Variants in TMOD2 observed in about 807,000 individuals in gnomAD.
TMOD2 encodes tropomodulin-2.
Under a neutral mutation model 39.9 loss-of-function variants are expected in TMOD2, and 22 were observed. The ratio of observed to expected loss-of-function variants is 0.55; its 90% confidence interval spans 0.39 to 0.79. The LOEUF (loss-of-function observed/expected upper bound fraction) is 0.79. Ranked by LOEUF, TMOD2 falls within the 30% of genes least tolerant of loss-of-function variation. The pLI is 0.00. For missense variants in TMOD2, 386 were observed against 413.3 expected, an observed-to-expected ratio of 0.93 and a Z score of 0.57; for synonymous variants, 123 against 146.1, an observed-to-expected ratio of 0.84 and a Z score of 1.14.
chr15:51,777,312 GA>G (rs1382047774), intron 5 of TMOD2, among the ~76,000 whole-genome samples: 3 of 152,016 alleles, frequency 2.0e-5, no homozygotes, highest in South Asian at 2.1e-4. Context: ...CCATATTCAT[GA>G]AAAAAAATTG....
intron 3 of TMOD2, among the ~76,000 whole-genome samples, chr15:51,771,221 A>G (rs2055851511): frequency 6.6e-6 from 1 of 152,220 alleles, no homozygotes; most frequent in South Asian, 2.1e-4. Context: ...CAAGTTTTCT[A>G]ATCAGAGCAG....
intron 7 of TMOD2, among the ~76,000 whole-genome samples, chr15:51,786,746 CA>C (rs2055972914): frequency 1.3e-5 from 2 of 152,118 alleles, no homozygotes; most frequent in South Asian, 4.1e-4. Context: ...CACTGAATGC[CA>C]ATGAGAGGGC....
intron 8 of TMOD2, among the ~76,000 whole-genome samples, chr15:51,804,446 C>G (rs2056108951): frequency 6.6e-6 from 1 of 152,140 alleles, no homozygotes; most frequent in South Asian, 2.1e-4. Flanking sequence ...TAGAACACTA[C>G]ATACTGCATG....
chr15:51,759,077 C>G (rs1330472185), intron 1 of TMOD2, among the ~76,000 whole-genome samples: 5 of 152,242 alleles, frequency 3.3e-5, no homozygotes, highest in African/African-American at 1.2e-4. Context: ...GCGAATGGAT[C>G]AGGAAGGGAT....
chr15:51,766,947 C>G (rs1327806236), intron 2 of TMOD2: 1 of 156,596 alleles, frequency 6.4e-6, no homozygotes. Flanking sequence ...AACCCCTAGA[C>G]ATGGAGAGGT....
intron 1 of TMOD2, among the ~76,000 whole-genome samples, chr15:51,764,517 T>C (rs1041479810): frequency 6.6e-6 from 1 of 152,182 alleles, no homozygotes; most frequent in African/African-American, 2.4e-5. Context: ...TTCTTATGAT[T>C]TGAACTCATA....
chr15:51,773,932 G>A, intron 4 of TMOD2, 98 bp downstream of exon 4: 2 of 1,357,532 alleles, frequency 1.5e-6, no homozygotes, highest in Non-Finnish European at 2.0e-6. Flanking sequence ...TCTTAGGTAG[G>A]AGAATGACAG....
intron 7 of TMOD2, among the ~76,000 whole-genome samples, chr15:51,785,309 G>A (rs1279949933): frequency 1.3e-5 from 2 of 150,440 alleles, no homozygotes; most frequent in Non-Finnish European, 2.9e-5. Context: ...CTACTCGGGA[G>A]ACTGAGGCAG....
At chr15:51,768,550 G>A (rs1255396907) in intron 3 of TMOD2, 132 bp downstream of exon 3, 1 of 956,596 alleles carries the variant, frequency 1.0e-6, no homozygotes, top group Non-Finnish European at 1.5e-6. Flanking sequence ...AACTGTCCCA[G>A]ACATGGGAAA....
intron 8 of TMOD2, among the ~76,000 whole-genome samples, chr15:51,804,196 G>A (rs570349360): frequency 5.4e-4 from 82 of 152,358 alleles, no homozygotes; most frequent in African/African-American, 1.9e-3. Flanking sequence ...AGAATGTGAT[G>A]TAACAGTAAG....
intron 5 of TMOD2, 46 bp downstream of exon 5, chr15:51,777,064 C>T: frequency 1.3e-6 from 2 of 1,550,720 alleles, no homozygotes; most frequent in African/African-American, 1.4e-5. Flanking sequence ...TTGGAGCCTC[C>T]AGAGTTGCTG....
chr15:51,770,022 C>A (rs2055842607), intron 3 of TMOD2, among the ~76,000 whole-genome samples: 1 of 152,124 alleles, frequency 6.6e-6, no homozygotes, highest in Non-Finnish European at 1.5e-5. Context: ...CAGAGTGGAA[C>A]CCTGTCTCAA....
rs1269501809 is a variant in TMOD2, at chr15:51,803,190, T to TG, written c.877-3187_877-3186insG. ...CTTCTTTTTTTTTTTTTTTTTTTTTTTCTTTTTGAGGTGGAGTTTCACTCC... is the reference window on the plus strand; with the variant it reads ...CTTCTTTTTTTTTTTTTTTTTTTTTTGTCTTTTTGAGGTGGAGTTTCACTCC... On this transcript the variant is annotated intron_variant, in intron 8 of 9. Transcript: ENST00000249700. 6.9e-3 allele frequency among the ~76,000 whole-genome samples: 1,021 copies of TG among 148,788 alleles called. 6 individuals carry two copies. The highest frequency in any genetic ancestry group is 0.024 in the African/African-American group (972 of 40,110).
At chr15:51,785,589 A>T (rs2055964021) in intron 7 of TMOD2, among the ~76,000 whole-genome samples, 1 of 152,018 alleles carries the variant, frequency 6.6e-6, no homozygotes, top group South Asian at 2.1e-4. Flanking sequence ...TAAATATAGC[A>T]TGTTCTCACT....
intron 1 of TMOD2, among the ~76,000 whole-genome samples, chr15:51,761,597 G>A (rs183128037): frequency 6.6e-6 from 1 of 151,926 alleles, no homozygotes; most frequent in Admixed American, 6.6e-5. Flanking sequence ...AGCTGGGCAT[G>A]GTGATACACA....
At chr15:51,804,204 A>G (rs1381272581) in intron 8 of TMOD2, among the ~76,000 whole-genome samples, 1 of 152,236 alleles carries the variant, frequency 6.6e-6, no homozygotes, top group Non-Finnish European at 1.5e-5. Context: ...ATGTAACAGT[A>G]AGTCACTAAG....
At chr15:51,801,464 T>G (rs1393201577) in intron 8 of TMOD2, among the ~76,000 whole-genome samples, 1 of 152,196 alleles carries the variant, frequency 6.6e-6, no homozygotes, top group Non-Finnish European at 1.5e-5. Context: ...ATCTATCTAA[T>G]GAGGGGTTTG....
chr15:51,768,168 T>C, intron 2 of TMOD2, 94 bp from the exon 3 acceptor site: 4 of 1,436,316 alleles, frequency 2.8e-6, no homozygotes, highest in Non-Finnish European at 3.9e-6. Flanking sequence ...TCCTTCCTGC[T>C]TCCCCAGCAC....
At chr15:51,782,897 C>T in intron 7 of TMOD2, 69 bp downstream of exon 7, 1 of 1,429,550 alleles carries the variant, frequency 7.0e-7, no homozygotes, top group Non-Finnish European at 9.7e-7. Context: ...TACTTTGTTT[C>T]ATTAGCTAAC....
Sources: gnomAD v4.1 joint callset for allele counts (sites outside exome capture counted in the v4.1 genomes callset) on GRCh38, gnomAD v4.1.1 for gene constraint, MANE v1.5 for transcripts, NCBI Gene and HGNC (gene_info 2026-07-23, HGNC 2026-07-21) for gene names.